Variants in OSBP observed in about 807,000 individuals in gnomAD.
The protein encoded by OSBP is oxysterol binding protein.
OSBP carries 32 observed loss-of-function variants against 96.6 expected under a neutral mutation model. The ratio of observed to expected loss-of-function variants is 0.33; its 90% CI spans 0.25 to 0.45. The LOEUF (loss-of-function observed/expected upper bound fraction) is 0.45. OSBP is among the 20% of genes least tolerant of loss of function. The pLI is 1.00. For missense variants in OSBP, 653 were observed against 1,029.7 expected, an observed-to-expected ratio of 0.63 and a Z score of 5.01; for synonymous variants, 369 against 389.6, an observed-to-expected ratio of 0.95 and a Z score of 0.62.
chr11:59,582,250 TAG>T (rs1227345166), intron 9 of OSBP, among the ~76,000 whole-genome samples: 1 of 152,212 alleles, frequency 6.6e-6, no homozygotes, highest in Non-Finnish European at 1.5e-5. Context: ...ACCATGTGAT[TAG>T]AGACAGGGTT....
chr11:59,598,470 G>A (rs1204745925), intron 7 of OSBP, among the ~76,000 whole-genome samples: 1 of 152,090 alleles, frequency 6.6e-6, no homozygotes, highest in Non-Finnish European at 1.5e-5. Context: ...TTTTTCACAA[G>A]GCCATGCCAT....
intron 9 of OSBP, among the ~76,000 whole-genome samples, chr11:59,584,184 C>T (rs549708351): frequency 4.0e-4 from 60 of 151,818 alleles, no homozygotes; most frequent in Non-Finnish European, 7.7e-4. Flanking sequence ...TGGGCTCAGG[C>T]GATCCTCCCA....
At chr11:59,595,491 T>TC (rs1039129281) in intron 7 of OSBP, among the ~76,000 whole-genome samples, 2 of 152,018 alleles carry the variant, frequency 1.3e-5, no homozygotes, top group African/African-American at 4.8e-5. Context: ...ATATTTGCTA[T>TC]CCCCCCACCG....
chr11:59,614,925 G>C (rs1860902663), intron 1 of OSBP, among the ~76,000 whole-genome samples: 1 of 152,184 alleles, frequency 6.6e-6, no homozygotes, highest in Non-Finnish European at 1.5e-5. Flanking sequence ...GAGTGCCTCG[G>C]GTTTGTTCTG....
At chr11:59,591,859 G>A (rs1243699668) in intron 9 of OSBP, among the ~76,000 whole-genome samples, 1 of 152,034 alleles carries the variant, frequency 6.6e-6, no homozygotes, top group Non-Finnish European at 1.5e-5. Context: ...GACCTCAGGT[G>A]ATCCGCCTGC....
At chr11:59,593,768 A>T in intron 8 of OSBP, 44 bp from the exon 9 acceptor site, 1 of 1,610,902 alleles carries the variant, frequency 6.2e-7, no homozygotes, top group South Asian at 1.1e-5. Context: ...AAAGGAGAAG[A>T]AAAAGATACT....
intron 2 of OSBP, among the ~76,000 whole-genome samples, chr11:59,610,094 G>T (rs1860826244): frequency 6.6e-6 from 1 of 152,098 alleles, no homozygotes; most frequent in Admixed American, 6.6e-5. Flanking sequence ...ATTATAGGAG[G>T]TTCAGCAGCA....
chr11:59,601,908 ATT>A, intron 3 of OSBP, 70 bp from the exon 4 acceptor site: 2 of 1,389,948 alleles, frequency 1.4e-6, no homozygotes, highest in South Asian at 2.5e-5. Context: ...CTGCAAGCCC[ATT>A]GAGTAACCTT....
At position 59,603,127 on chromosome 11, in the gene OSBP, T is replaced by C. The variant is rs373718607; in HGVS notation, c.823-1289A>G. Among the ~76,000 whole-genome samples the C allele has an allele frequency of 2.2e-4, 33 of 152,334 alleles. 2 individuals carry two copies. The South Asian group carries it at 6.4e-3, about 30-fold the overall frequency. On this transcript the variant is annotated intron_variant, in intron 3 of 13. Transcript: ENST00000263847. The stretch of plus-strand genomic sequence containing the variant: ...CACTGCATTTTGCACAAACTTCTAT[T>C]TTACACATGCACAGCAGTATCGTGA...
At chr11:59,581,348 T>G (rs758670129) in intron 10 of OSBP, 103 bp downstream of exon 10, 57 of 542,558 alleles carry the variant, frequency 1.1e-4, no homozygotes, top group Admixed American at 2.7e-4. Flanking sequence ...GATGAATCAG[T>G]AGCAACATTC....
chr11:59,593,752 C>T lies in OSBP; in HGVS notation c.1558-28G>A, dbSNP rs76996241. 1.5e-3 allele frequency: 2,424 copies of T among 1,612,846 alleles called. 36 individuals are homozygous for T. The African/African-American group carries it at 0.03, about 20-fold the overall frequency. On this transcript the variant is annotated intron_variant, in intron 8 of 13. Transcript: ENST00000263847. Reference sequence around the variant, plus strand: ...TGAAGAAATCAGGTTCAAATTAAGACGGCAGAAAGGAGAAGAAAAAGATAC... The same window carrying T: ...TGAAGAAATCAGGTTCAAATTAAGATGGCAGAAAGGAGAAGAAAAAGATAC...
At chr11:59,597,984 G>C (rs977724203) in intron 7 of OSBP, among the ~76,000 whole-genome samples, 8 of 152,096 alleles carry the variant, frequency 5.3e-5, no homozygotes, top group Non-Finnish European at 1.2e-4. Context: ...AGGATTACAG[G>C]CATGAGCCAC....
Position 59,615,511 on chromosome 11 carries a change from C to A in OSBP, c.154G>T (p.Ala52Ser). 1 of 1,227,616 alleles carries A rather than the reference C, an allele frequency of 8.1e-7. No individual in the cohort carries two copies. Among genetic ancestry groups the A allele is most frequent in the South Asian group, 3.3e-5 (1 of 30,486 alleles). 76.0% of individuals were successfully genotyped at this position (1,227,616 alleles called of 1,614,324 possible). A position where few individuals can be genotyped will look rare whatever the true frequency, so the allele number is the denominator to read the frequency against. ...GGGCCCGGGCCTCCCGCCGCCGCCG[C>A]GACCACCGTCCCTGACGCGGCCCCG... The part of the protein sequence containing the change: ...GSGAASGTVV[A>S]AAAGGPGPGA... The change falls in exon 1 of 14, where the codon GCG (alanine) becomes TCG (serine). Residue 52 changes from alanine (A) to serine (S), a missense_variant. By Grantham distance (99) the Ala-to-Ser change is moderately conservative. This residue lies in a region of OSBP where 151 missense variants were observed against 146.1 expected (regional missense o/e 1.03). Transcript: ENST00000263847.
At chr11:59,579,618 C>T (rs1048432621) in intron 11 of OSBP, among the ~76,000 whole-genome samples, 8 of 152,158 alleles carry the variant, frequency 5.3e-5, no homozygotes, top group Non-Finnish European at 1.0e-4. Flanking sequence ...TCTCATTGCT[C>T]TCGACACTTT....
intron 4 of OSBP, 61 bp from the exon 5 acceptor site, chr11:59,601,446 C>T (rs920156842): frequency 1.5e-6 from 2 of 1,328,836 alleles, no homozygotes; most frequent in African/African-American, 2.9e-5. Flanking sequence ...TCTGATATAG[C>T]AAGTTCTTTT....
At chr11:59,608,444 G>T (rs1277898971) in intron 3 of OSBP, 40 bp downstream of exon 3, 3 of 1,612,194 alleles carry the variant, frequency 1.9e-6, no homozygotes, top group South Asian at 1.1e-5. Context: ...TTCAAAGAGG[G>T]AATGAATCAA....
At chr11:59,587,154 G>A (rs144815674) in intron 9 of OSBP, among the ~76,000 whole-genome samples, 133 of 152,064 alleles carry the variant, frequency 8.7e-4, no homozygotes, top group African/African-American at 3.0e-3. Flanking sequence ...TAGAATATAC[G>A]GAGAACTCCT....
Position 59,601,698 on chromosome 11 carries a change from G to T in OSBP, c.963C>A (p.Ala321=), listed in dbSNP as rs150727623. 6 of 1,613,650 alleles carry T rather than the reference G, an allele frequency of 3.7e-6. No homozygotes were observed. Among genetic ancestry groups the T allele is most frequent in the Non-Finnish European group, 4.2e-6 (5 of 1,180,032 alleles). The change falls in exon 4 of 14, where the codon GCC becomes GCA. Residue 321 remains alanine, a synonymous_variant. Transcript: ENST00000263847. Reference sequence around the variant, plus strand: ...CCGGCAGCACCGTGGCTCCTCGGAAGGCCCTCTCCAGGTGATTATGCTGCT... The same window carrying T: ...CCGGCAGCACCGTGGCTCCTCGGAATGCCCTCTCCAGGTGATTATGCTGCT... ...LAKQHNHLER[A]FRGATVLPAN... is the part of the protein sequence containing the mutation.
At position 59,615,695 on chromosome 11, in the gene OSBP, G is replaced by T; in HGVS notation, c.-31C>A. The T allele has an allele frequency of 7.8e-7, 1 of 1,284,708 alleles. No homozygotes were observed. Among genetic ancestry groups the T allele is most frequent in the Non-Finnish European group, 9.8e-7 (1 of 1,017,982 alleles). The allele number at this position is 1,284,708 out of a possible 1,614,324, so 79.6% of individuals were successfully genotyped here. On this transcript the variant is annotated 5_prime_UTR_variant, in exon 1 of 14. Coordinates refer to ENST00000263847, the MANE Select transcript of OSBP (RefSeq NM_002556.3). Reference sequence around the variant, plus strand: ...GCCGCCGCCTGGAGATACAAGACCGGAACCGCCTACGAGAGCCGCCGTCGC... The same window carrying T: ...GCCGCCGCCTGGAGATACAAGACCGTAACCGCCTACGAGAGCCGCCGTCGC...
Sources: allele counts gnomAD v4.1 joint callset (sites outside exome capture counted in the v4.1 genomes callset), GRCh38; gene constraint gnomAD v4.1.1; regional missense constraint gnomAD v4.1.1; transcripts MANE v1.5; gene names NCBI Gene and HGNC (gene_info 2026-07-23, HGNC 2026-07-21).